Variants in SLC45A3 observed in about 807,000 individuals in gnomAD.
The protein encoded by SLC45A3 is prostate cancer associated protein 2.
In SLC45A3, 17 loss-of-function variants were observed where a neutral mutation model predicts 35.3. The ratio of observed to expected loss-of-function variants is 0.48; its 90% CI spans 0.33 to 0.72. SLC45A3 has a LOEUF of 0.72. SLC45A3 is among the 30% of genes least tolerant of loss of function. The pLI, the probability that SLC45A3 is intolerant of heterozygous loss-of-function variation, is 0.02. For synonymous variants in SLC45A3, 288 were observed against 334.3 expected, an observed-to-expected ratio of 0.86 and a Z score of 1.51; for missense variants, 597 against 731.7, an observed-to-expected ratio of 0.82 and a Z score of 2.12.
Position 205,663,367 on chromosome 1 carries a change from G to C in SLC45A3, c.424C>G (p.Pro142Ala), listed in dbSNP as rs749053831. The change falls in exon 3 of 5, where the codon CCA (proline) becomes GCA (alanine). Residue 142 changes from proline to alanine, a missense_variant. By Grantham distance (27) the Pro-to-Ala change is conservative. Coordinates refer to ENST00000367145, the MANE Select transcript of SLC45A3 (RefSeq NM_033102.3). Reference sequence around the variant, plus strand: ...AGGTCAGAGAGCAGGGCCTCCAGTGGAGTGAAGCACACCTGGCCACAGAAG... The same window carrying C: ...AGGTCAGAGAGCAGGGCCTCCAGTGCAGTGAAGCACACCTGGCCACAGAAG... ...LDFCGQVCFT[P>A]LEALLSDLFR... 9 of 1,613,284 alleles carry C rather than the reference G, an allele frequency of 5.6e-6. No individual in the cohort carries two copies. The highest frequency in any genetic ancestry group is 6.8e-6 in the Non-Finnish European group (8 of 1,180,028).
intron 2 of SLC45A3, 102 bp from the exon 3 acceptor site, chr1:205,663,720 T>G: frequency 8.5e-7 from 1 of 1,178,336 alleles, no homozygotes; most frequent in African/African-American, 1.5e-5. Context: ...CATTCCGTAC[T>G]CGACACTGTG....
intron 1 of SLC45A3, among the ~76,000 whole-genome samples, chr1:205,670,925 C>T (rs1395421648): frequency 6.6e-6 from 1 of 152,152 alleles, no homozygotes; most frequent in East Asian, 1.9e-4. Flanking sequence ...ATGGCTCCCT[C>T]CCCCCACTCA....
Position 205,662,524 on chromosome 1 carries a change from C to G in SLC45A3, c.958+309G>C. 7.7e-7 allele frequency: 1 copy of G among 1,291,960 alleles called. No homozygotes were observed. The highest frequency in any genetic ancestry group is 9.8e-7 in the Non-Finnish European group (1 of 1,021,230). The allele number at this position is 1,291,960 out of a possible 1,614,324, so 80.0% of individuals were successfully genotyped here. A position where few individuals can be genotyped will look rare whatever the true frequency, so the allele number is the denominator to read the frequency against. ...GCAGAGGGCACACTGCGGCTGGAAC[C>G]AGGCAGATCTGAAATCCAGCCTTAA... On this transcript the variant is annotated intron_variant, in intron 3 of 4. Coordinates refer to ENST00000367145, the MANE Select transcript of SLC45A3 (RefSeq NM_033102.3). The surrounding 1 kb of genome is among the most constrained non-coding windows in gnomAD (Gnocchi z 6.2).
At chr1:205,667,399 C>A in intron 1 of SLC45A3, among the ~76,000 whole-genome samples, 1 of 152,090 alleles carries the variant, frequency 6.6e-6, no homozygotes, top group East Asian at 1.9e-4. Context: ...CCCAGCTACT[C>A]GGGAGGCTGA....
intron 1 of SLC45A3, among the ~76,000 whole-genome samples, chr1:205,670,869 C>T (rs1011673265): frequency 3.9e-5 from 6 of 152,216 alleles, no homozygotes; most frequent in Admixed American, 1.3e-4. Context: ...AATCCCAGGC[C>T]CTAGGGGGGC....
rs1029417475 is a variant in SLC45A3, at chr1:205,666,821, C to G, written c.-230-1935G>C. Among the ~76,000 whole-genome samples the G allele has an allele frequency of 3.9e-5, 6 of 152,216 alleles. No homozygotes were observed. Among genetic ancestry groups the G allele is most frequent in the Non-Finnish European group, 8.8e-5 (6 of 68,044 alleles). On this transcript the variant is annotated intron_variant, in intron 1 of 4. Coordinates refer to ENST00000367145, the MANE Select transcript of SLC45A3 (RefSeq NM_033102.3). This position sits in a 1 kb window ranked among gnomAD's most constrained non-coding sequence, Gnocchi z 4.1. Reference sequence around the variant, plus strand: ...ATCTCATTGCTGCATTTCCACAGTACCCCCAAGAAGGAAAGCAGGAGACAG... The same window carrying G: ...ATCTCATTGCTGCATTTCCACAGTAGCCCCAAGAAGGAAAGCAGGAGACAG...
At position 205,662,913 on chromosome 1, in the gene SLC45A3, G is replaced by A. The variant is rs780724831; in HGVS notation, c.878C>T (p.Thr293Met). 11 of 1,613,224 alleles carry A rather than the reference G, an allele frequency of 6.8e-6. No homozygotes were observed. The highest frequency in any genetic ancestry group is 1.7e-4 in the Middle Eastern group (1 of 5,730). The change falls in exon 3 of 5, where the codon ACG (threonine) becomes ATG (methionine). Residue 293 changes from threonine (T) to methionine (M), a missense_variant. Coordinates refer to ENST00000367145, the MANE Select transcript of SLC45A3 (RefSeq NM_033102.3). The surrounding 1 kb of genome is among the most constrained non-coding windows in gnomAD (Gnocchi z 6.2). Reference protein sequence around the residue: ...MALMTFTLFYTDFVGEGLYQG... With the variant: ...MALMTFTLFYMDFVGEGLYQG... ...GTACAGCCCCTCGCCCACGAAATCC[G>A]TGTAAAACAGCGTGAAGGTCATGAG...
At chr1:205,675,076 A>G (rs1671289080) in intron 1 of SLC45A3, among the ~76,000 whole-genome samples, 1 of 152,224 alleles carries the variant, frequency 6.6e-6, no homozygotes, top group African/African-American at 2.4e-5. Context: ...AAATGTGACC[A>G]GACAAAAATG....
rs1411986501 is a variant in SLC45A3 at position 205,659,442 on chromosome 1, C to T, written c.1454G>A (p.Gly485Asp). 2 of 1,614,024 alleles carry T rather than the reference C, an allele frequency of 1.2e-6. No individual in the cohort carries two copies. The highest frequency in any genetic ancestry group is 1.7e-6 in the Non-Finnish European group (2 of 1,179,970). Residue 485 changes from glycine (G) to aspartate (D), a missense_variant, in exon 5 of 5, where the codon GGC becomes GAC. By Grantham distance (94) the Gly-to-Asp change is moderately conservative (BLOSUM62 -1). Around this residue, in one of 3 missense-constraint regions of SLC45A3, gnomAD observed 555 missense variants for 664.9 expected, o/e 0.83. Transcript: ENST00000367145. This position sits in a 1 kb window ranked among gnomAD's most constrained non-coding sequence, Gnocchi z 5.8. Reference sequence around the variant, plus strand: ...GGCGAGGTCCAGGCAGATGCCCCGGCCCGGAACCACCCTGGCCTCGGTGGG... The same window carrying T: ...GGCGAGGTCCAGGCAGATGCCCCGGTCCGGAACCACCCTGGCCTCGGTGGG... The part of the protein sequence containing the change: ...GEPTEARVVP[G>D]RGICLDLAIL...
At chr1:205,661,323 A>AGGCAAAGGC (rs552762490) in intron 4 of SLC45A3, among the ~76,000 whole-genome samples, 86 of 152,312 alleles carry the variant, frequency 5.6e-4, no homozygotes, top group Non-Finnish European at 1.1e-3. Flanking sequence ...GAGGCAAAGG[A>AGGCAAAGGC]GGGATGCAGG....
At chr1:205,667,790 C>T (rs1453768243) in intron 1 of SLC45A3, among the ~76,000 whole-genome samples, 1 of 152,032 alleles carries the variant, frequency 6.6e-6, no homozygotes, top group Non-Finnish European at 1.5e-5. Context: ...AGTTCCCAGG[C>T]CCCCCAGGAA....
intron 1 of SLC45A3, among the ~76,000 whole-genome samples, chr1:205,665,548 C>T (rs978008506): frequency 2.6e-5 from 4 of 152,108 alleles, no homozygotes; most frequent in African/African-American, 7.2e-5. Flanking sequence ...CTCACATGGC[C>T]GTCCAACTGT....
At chr1:205,679,397 G>C (rs1671363080) in intron 1 of SLC45A3, among the ~76,000 whole-genome samples, 1 of 152,110 alleles carries the variant, frequency 6.6e-6, no homozygotes, top group South Asian at 2.1e-4. Context: ...AGAGGTCAAG[G>C]GCAAGAGCAA....
intron 1 of SLC45A3, among the ~76,000 whole-genome samples, chr1:205,673,594 AC>A (rs150115423): frequency 6.6e-6 from 1 of 152,332 alleles, no homozygotes; most frequent in Non-Finnish European, 1.5e-5. Context: ...AGTGCCCTGC[AC>A]CAAGAGTCAG....
At chr1:205,675,033 G>A (rs1407029502) in intron 1 of SLC45A3, among the ~76,000 whole-genome samples, 1 of 152,200 alleles carries the variant, frequency 6.6e-6, no homozygotes, top group African/African-American at 2.4e-5. Flanking sequence ...CCATTTTTAT[G>A]CTTAGGTTTG....
Position 205,662,697 on chromosome 1 carries a change from C to T in SLC45A3, c.958+136G>A, listed in dbSNP as rs1671049035. On this transcript the variant is annotated intron_variant, in intron 3 of 4. Coordinates refer to ENST00000367145, the MANE Select transcript of SLC45A3 (RefSeq NM_033102.3). This position sits in a 1 kb window ranked among gnomAD's most constrained non-coding sequence, Gnocchi z 6.2. ...CCACACCCATGAGAAGCCGTGTATG[C>T]AGATGGGGTCCATCCCCACTTTCCT... 2 of 1,452,470 alleles carry T rather than the reference C, an allele frequency of 1.4e-6. No individual in the cohort carries two copies. The highest frequency in any genetic ancestry group is 1.8e-6 in the Non-Finnish European group (2 of 1,109,146). The allele number at this position is 1,452,470 out of a possible 1,614,324, so 90.0% of individuals were successfully genotyped here.
rs570134125 is a variant in SLC45A3, at chr1:205,667,849, G to C, written c.-230-2963C>G. Among the ~76,000 whole-genome samples, 3 of 152,198 alleles carry C rather than the reference G, an allele frequency of 2.0e-5. No homozygotes were observed. The South Asian group carries it at 6.2e-4, about 32-fold the overall frequency. On this transcript the variant is annotated intron_variant, in intron 1 of 4. Coordinates refer to ENST00000367145, the MANE Select transcript of SLC45A3 (RefSeq NM_033102.3). Reference sequence around the variant, plus strand: ...CATGGGAAAAAGACAAAAAGAAAGAGGTAAAGAGAAGAGTGCCCCCCACCA... The same window carrying C: ...CATGGGAAAAAGACAAAAAGAAAGACGTAAAGAGAAGAGTGCCCCCCACCA...
At chr1:205,668,319 CTCCAGGGCCGCCT>C (rs1379557275) in intron 1 of SLC45A3, among the ~76,000 whole-genome samples, 3 of 152,148 alleles carry the variant, frequency 2.0e-5, no homozygotes, top group Non-Finnish European at 4.4e-5. Context: ...GCCATCCCCG[CTCCAGGGCCGCCT>C]TCCCTGGAGC....
chr1:205,674,102 G>A (rs974929647), intron 1 of SLC45A3, among the ~76,000 whole-genome samples: 21 of 152,098 alleles, frequency 1.4e-4, no homozygotes, highest in African/African-American at 5.1e-4. Context: ...GTGAGGGGGT[G>A]GGACCCAATG....
Sources: gnomAD v4.1 joint callset for allele counts (sites outside exome capture counted in the v4.1 genomes callset) on GRCh38, gnomAD v4.1.1 for gene constraint, gnomAD v4.1.1 regional missense constraint, Gnocchi (gnomAD v3.1) non-coding constraint, MANE v1.5 for transcripts, NCBI Gene and HGNC (gene_info 2026-07-23, HGNC 2026-07-21) for gene names.